Variants in FNIP2 observed in about 807,000 individuals in gnomAD.
FNIP2 encodes the protein folliculin interacting protein 2, also known as folliculin-interacting protein 2.
FNIP2 carries 32 observed loss-of-function variants against 108.7 expected under a neutral mutation model. The observed-to-expected ratio is 0.29, with a 90% CI of 0.22 to 0.40. The LOEUF (loss-of-function observed/expected upper bound fraction) is 0.40. FNIP2 is among the 10% of genes least tolerant of loss of function. The probability of loss-of-function intolerance (pLI) is 1.00; values close to 1 mark genes in which losing one functional copy is unlikely to be tolerated. For synonymous variants in FNIP2, 480 were observed against 496.7 expected, an observed-to-expected ratio of 0.97 and a Z score of 0.45; for missense variants, 1,202 against 1,381.6, an observed-to-expected ratio of 0.87 and a Z score of 2.06.
chr4:158,820,915 T>C (rs1465966880), intron 1 of FNIP2, among the ~76,000 whole-genome samples: 2 of 152,194 alleles, frequency 1.3e-5, no homozygotes, highest in African/African-American at 4.8e-5. Flanking sequence ...TATTCACAGG[T>C]ATAGGAATTA....
intron 7 of FNIP2, among the ~76,000 whole-genome samples, chr4:158,844,613 G>A (rs932593037): frequency 6.6e-6 from 1 of 152,144 alleles, no homozygotes; most frequent in Non-Finnish European, 1.5e-5. Context: ...TCTCTTAAGG[G>A]CAACTACTCT....
intron 16 of FNIP2, among the ~76,000 whole-genome samples, chr4:158,899,765 T>TGGTC (rs1328924345): frequency 2.6e-5 from 4 of 151,894 alleles, no homozygotes; most frequent in Admixed American, 6.6e-5. Context: ...GTCTGGCTAG[T>TGGTC]GGTCTATTTT....
At chr4:158,871,995 C>A in intron 14 of FNIP2, 4 of 985,068 alleles carry the variant, frequency 4.1e-6, no homozygotes, top group Non-Finnish European at 4.8e-6. Context: ...ACATGCCAAA[C>A]TGTGAGTTGT....
At chr4:158,819,136 C>T (rs192350534) in intron 1 of FNIP2, among the ~76,000 whole-genome samples, 150 of 152,336 alleles carry the variant, frequency 9.8e-4, no homozygotes, top group Admixed American at 1.4e-3. Context: ...TAGTTAATTT[C>T]TGTTCCTGGT....
At chr4:158,842,487 TAA>T (rs1779183537) in intron 7 of FNIP2, among the ~76,000 whole-genome samples, 1 of 152,176 alleles carries the variant, frequency 6.6e-6, no homozygotes, top group Non-Finnish European at 1.5e-5. Flanking sequence ...ATGCCCTCCG[TAA>T]GTCTTTTGTA....
intron 16 of FNIP2, among the ~76,000 whole-genome samples, chr4:158,902,437 G>A (rs1044449245): frequency 1.3e-5 from 2 of 152,220 alleles, no homozygotes; most frequent in African/African-American, 4.8e-5. Context: ...ACTGGGAGGT[G>A]TCTCCCAGTC....
At chr4:158,869,815 G>C (rs926919696) in intron 13 of FNIP2, among the ~76,000 whole-genome samples, 1 of 152,242 alleles carries the variant, frequency 6.6e-6, no homozygotes, top group Admixed American at 6.5e-5. Flanking sequence ...TACACTCGCC[G>C]TGTGGCCTCT....
intron 14 of FNIP2, among the ~76,000 whole-genome samples, chr4:158,888,475 G>A (rs1782129868): frequency 6.6e-6 from 1 of 152,210 alleles, no homozygotes; most frequent in South Asian, 2.1e-4. Context: ...TAAGGATGCA[G>A]AGAGAAGATT....
At chr4:158,782,676 A>G (rs1235050049) in intron 1 of FNIP2, among the ~76,000 whole-genome samples, 1 of 152,108 alleles carries the variant, frequency 6.6e-6, no homozygotes, top group Non-Finnish European at 1.5e-5. Context: ...GCTCTTACTA[A>G]TTCAGTTCTC....
At chr4:158,889,946 C>T (rs2017619) in intron 14 of FNIP2, 27 of 984,990 alleles carry the variant, frequency 2.7e-5, no homozygotes, top group Middle Eastern at 5.2e-4. Context: ...TTTAGTTGTC[C>T]GTTTTGGAGA....
intron 9 of FNIP2, 137 bp downstream of exon 9, chr4:158,859,395 G>A (rs1045971075): frequency 1.8e-6 from 2 of 1,096,088 alleles, no homozygotes; most frequent in Non-Finnish European, 2.6e-6. Context: ...TTTTAGGCAT[G>A]TTGATGTTAG....
chr4:158,878,350 G>T (rs1482114770), intron 14 of FNIP2, among the ~76,000 whole-genome samples: 2 of 152,142 alleles, frequency 1.3e-5, no homozygotes, highest in Non-Finnish European at 2.9e-5. Context: ...TCCATGAAAA[G>T]GAGACTAGAA....
At chr4:158,771,521 A>T (rs1775698701) in intron 1 of FNIP2, among the ~76,000 whole-genome samples, 1 of 152,234 alleles carries the variant, frequency 6.6e-6, no homozygotes, top group Non-Finnish European at 1.5e-5. Flanking sequence ...AAGGTGCCTT[A>T]TTGCAGGGCA....
intron 16 of FNIP2, among the ~76,000 whole-genome samples, chr4:158,903,113 G>T (rs1729496775): frequency 6.6e-6 from 1 of 152,224 alleles, no homozygotes; most frequent in South Asian, 2.1e-4. Flanking sequence ...GGCCCTGATT[G>T]TGTACACACC....
chr4:158,801,488 A>G (rs901043268), intron 1 of FNIP2, among the ~76,000 whole-genome samples: 1 of 152,166 alleles, frequency 6.6e-6, no homozygotes, highest in Admixed American at 6.5e-5. Context: ...GTGGTATGAG[A>G]ATGAGCAGGG....
At position 158,868,121 on chromosome 4, in the gene FNIP2, A is replaced by G. The variant is rs771443725; in HGVS notation, c.1485A>G (p.Ile495Met). 6.2e-7 allele frequency: 1 copy of G among 1,614,016 alleles called. No individual in the cohort carries two copies. Among genetic ancestry groups the G allele is most frequent in the Non-Finnish European group, 8.5e-7 (1 of 1,179,864 alleles). ...CTCTAGGTGATCTTTACGGAGCCAT[A>G]GGCTCTCCAGTGAGACTGACTCGCA... ...WAQLGDLYGAIGSPVRLTRTV... is the reference protein window; with the variant it reads ...WAQLGDLYGAMGSPVRLTRTV... Residue 495 changes from isoleucine (I) to methionine (M), a missense_variant, in exon 13 of 17, where the codon ATA becomes ATG. This residue lies in a region of FNIP2 where 878 missense variants were observed against 990.3 expected (regional missense o/e 0.89). Coordinates refer to ENST00000264433, the MANE Select transcript of FNIP2 (RefSeq NM_020840.3). This position sits in a 1 kb window ranked among gnomAD's most constrained non-coding sequence, Gnocchi z 4.6.
chr4:158,852,755 C>G (rs1303966364), intron 8 of FNIP2, among the ~76,000 whole-genome samples: 1 of 152,230 alleles, frequency 6.6e-6, no homozygotes, highest in Non-Finnish European at 1.5e-5. Flanking sequence ...ACCATCCTCA[C>G]TGTCATTATG....
intron 8 of FNIP2, among the ~76,000 whole-genome samples, chr4:158,857,238 G>A (rs1780035742): frequency 6.6e-6 from 1 of 152,208 alleles, no homozygotes; most frequent in Admixed American, 6.5e-5. Context: ...GAAGGGAAAT[G>A]TAAGATGACA....
intron 8 of FNIP2, 87 bp downstream of exon 8, chr4:158,851,537 C>T: frequency 6.6e-7 from 1 of 1,517,108 alleles, no homozygotes; most frequent in Non-Finnish European, 8.9e-7. Flanking sequence ...TGCCTATTGT[C>T]AGTGGAAAAA....
Sources: gnomAD v4.1 joint callset for allele counts (sites outside exome capture counted in the v4.1 genomes callset) on GRCh38, gnomAD v4.1.1 for gene constraint, gnomAD v4.1.1 regional missense constraint, Gnocchi (gnomAD v3.1) non-coding constraint, MANE v1.5 for transcripts, NCBI Gene and HGNC (gene_info 2026-07-23, HGNC 2026-07-21) for gene names.